ZSWIM6: variants seen among roughly 807,000 people sequenced by gnomAD.
ZSWIM6 encodes zinc finger SWIM domain-containing protein 6.
ZSWIM6 carries 9 observed loss-of-function variants against 113.2 expected under a neutral mutation model. That is an observed-to-expected ratio of 0.08 (90% confidence interval 0.05 to 0.14). The LOEUF (loss-of-function observed/expected upper bound fraction) is 0.14, where lower values mean the gene tolerates loss of function less well. ZSWIM6 is among the 10% of genes least tolerant of loss of function. The probability of loss-of-function intolerance (pLI) is 1.00; values close to 1 mark genes in which losing one functional copy is unlikely to be tolerated. For synonymous variants in ZSWIM6, 611 were observed against 606.5 expected (o/e 1.01, Z -0.11); for missense variants, 1,162 against 1,552.2 (o/e 0.75, Z 4.22).
intron 4 of ZSWIM6, among the ~76,000 whole-genome samples, chr5:61,501,355 C>T (rs865995378): frequency 1.3e-5 from 2 of 152,154 alleles, no homozygotes; most frequent in Non-Finnish European, 2.9e-5. Flanking sequence ...TAAATACTTG[C>T]TGTGTACTGC....
rs574535039 is a variant in ZSWIM6 at position 61,376,396 on chromosome 5, C to A, written c.676+43448C>A. ...GCTAGCAGAATAGTGTGCCTTTGAT[C>A]CTCACACATCTGTATTATGGACACA... On this transcript the variant is annotated intron_variant, in intron 1 of 13. Coordinates refer to ENST00000252744, the MANE Select transcript of ZSWIM6 (RefSeq NM_020928.2). 7.9e-5 allele frequency among the ~76,000 whole-genome samples: 12 copies of A among 152,058 alleles called. No individual in the cohort carries two copies. The South Asian group carries it at 1.0e-3, about 13-fold the overall frequency.
intron 5 of ZSWIM6, among the ~76,000 whole-genome samples, chr5:61,523,781 A>C (rs1749202139): frequency 6.6e-6 from 1 of 152,156 alleles, no homozygotes; most frequent in South Asian, 2.1e-4. Flanking sequence ...TTGTCATTTA[A>C]ATTTCATTTC....
At chr5:61,439,500 T>C (rs144217260) in intron 1 of ZSWIM6, among the ~76,000 whole-genome samples, 1 of 152,354 alleles carries the variant, frequency 6.6e-6, no homozygotes, top group East Asian at 1.9e-4. Flanking sequence ...ATAAAACATG[T>C]CAACAGTTAA....
chr5:61,444,384 T>C (rs987133865), intron 1 of ZSWIM6, among the ~76,000 whole-genome samples: 17 of 152,052 alleles, frequency 1.1e-4, no homozygotes, highest in African/African-American at 3.9e-4. Context: ...TCTTTGCTAT[T>C]GTGAATAGTG....
At chr5:61,363,854 TTCCTTCCTTCCTTCCTTCCC>T (rs1393091233) in intron 1 of ZSWIM6, among the ~76,000 whole-genome samples, 4 of 134,280 alleles carry the variant, frequency 3.0e-5, no homozygotes, top group Non-Finnish European at 4.9e-5. Flanking sequence ...CCCTTTCCTT[TTCCTTCCTTCCTTCCTTCCC>T]TCCTTCCTTC....
chr5:61,436,468 A>C (rs1257808578), intron 1 of ZSWIM6, among the ~76,000 whole-genome samples: 1 of 152,210 alleles, frequency 6.6e-6, no homozygotes, highest in African/African-American at 2.4e-5. Flanking sequence ...TATATCCTGC[A>C]GATCCTGACA....
intron 2 of ZSWIM6, among the ~76,000 whole-genome samples, chr5:61,483,967 T>C (rs1747948139): frequency 6.6e-6 from 1 of 151,842 alleles, no homozygotes; most frequent in African/African-American, 2.4e-5. Flanking sequence ...AAATATACAT[T>C]GTGTAATTCA....
chr5:61,367,437 A>G (rs1745183096), intron 1 of ZSWIM6, among the ~76,000 whole-genome samples: 1 of 152,110 alleles, frequency 6.6e-6, no homozygotes, highest in African/African-American at 2.4e-5. Flanking sequence ...AAGGTTTTTT[A>G]GAGATGGGGT....
intron 9 of ZSWIM6, among the ~76,000 whole-genome samples, chr5:61,532,899 AT>A (rs1749478524): frequency 1.3e-5 from 2 of 152,214 alleles, no homozygotes; most frequent in Admixed American, 1.3e-4. Flanking sequence ...GCTATAAGCA[AT>A]GTCATTAGTC....
chr5:61,420,460 A>G (rs944185161), intron 1 of ZSWIM6, among the ~76,000 whole-genome samples: 5 of 152,136 alleles, frequency 3.3e-5, no homozygotes, highest in African/African-American at 1.2e-4. Flanking sequence ...CTCCATACAG[A>G]AGTTTCTAGT....
chr5:61,333,006 GGGGT>G, intron 1 of ZSWIM6, 58 bp downstream of exon 1: 1 of 684,992 alleles, frequency 1.5e-6, no homozygotes, highest in Non-Finnish European at 1.9e-6. Flanking sequence ...GGGTGGGGGG[GGGGT>G]GCCCGCCTTT....
intron 1 of ZSWIM6, among the ~76,000 whole-genome samples, chr5:61,460,975 A>G (rs142526232): frequency 6.6e-6 from 1 of 152,282 alleles, no homozygotes; most frequent in Non-Finnish European, 1.5e-5. Context: ...TGCCAGCTGT[A>G]TAGAACACAA....
chr5:61,380,788 A>G (rs1389361452), intron 1 of ZSWIM6, among the ~76,000 whole-genome samples: 1 of 152,176 alleles, frequency 6.6e-6, no homozygotes, highest in Non-Finnish European at 1.5e-5. Context: ...CCTGGTTTAG[A>G]ATTGTTACTA....
In ZSWIM6 at chr5:61,332,961, G is replaced by A; in HGVS notation, c.676+13G>A. On this transcript the variant is annotated intron_variant, in intron 1 of 13. Coordinates refer to ENST00000252744, the MANE Select transcript of ZSWIM6 (RefSeq NM_020928.2). ...GTCCTGCAAGTCGGTGAGTCACGGG[G>A]CAGCCGCGAGCCGTCTGTCCGTCCG... 3 of 1,282,198 alleles carry A rather than the reference G, an allele frequency of 2.3e-6. No homozygotes were observed. The highest frequency in any genetic ancestry group is 2.7e-4 in the Middle Eastern group (1 of 3,644). 79.4% of individuals were successfully genotyped at this position (1,282,198 alleles called of 1,614,324 possible).
intron 1 of ZSWIM6, among the ~76,000 whole-genome samples, chr5:61,444,921 G>C (rs1746919172): frequency 6.6e-6 from 1 of 152,054 alleles, no homozygotes. Context: ...AGCAGGAGTG[G>C]GTACCTTTTT....
At chr5:61,447,381 G>T (rs1349826832) in intron 1 of ZSWIM6, among the ~76,000 whole-genome samples, 1 of 152,112 alleles carries the variant, frequency 6.6e-6, no homozygotes, top group African/African-American at 2.4e-5. Flanking sequence ...AGCCCCAAAA[G>T]TGTCCAAACT....
At chr5:61,508,099 T>C (rs1261308755) in intron 4 of ZSWIM6, among the ~76,000 whole-genome samples, 1 of 152,160 alleles carries the variant, frequency 6.6e-6, no homozygotes, top group East Asian at 1.9e-4. Context: ...CGGGCTTCTT[T>C]TTCATGTGAG....
At chr5:61,485,692 C>G (rs1223856808) in intron 2 of ZSWIM6, among the ~76,000 whole-genome samples, 1 of 152,180 alleles carries the variant, frequency 6.6e-6, no homozygotes, top group Non-Finnish European at 1.5e-5. Flanking sequence ...TGCTGTTTTT[C>G]AAGCAACTAT....
intron 1 of ZSWIM6, among the ~76,000 whole-genome samples, chr5:61,369,468 A>G (rs1232535635): frequency 6.6e-6 from 1 of 152,224 alleles, no homozygotes; most frequent in Non-Finnish European, 1.5e-5. Context: ...AGTAATGTAT[A>G]CTTTATGGTT....
Sources: gnomAD v4.1 joint callset for allele counts (sites outside exome capture counted in the v4.1 genomes callset) on GRCh38, gnomAD v4.1.1 for gene constraint, MANE v1.5 for transcripts, NCBI Gene and HGNC (gene_info 2026-07-23, HGNC 2026-07-21) for gene names.